Variants in TBC1D30 observed in about 807,000 individuals in gnomAD.
TBC1D30 encodes TBC1 domain family, member 30.
A neutral mutation model predicts 63.2 loss-of-function variants in TBC1D30; 31 were observed. The observed-to-expected ratio is 0.49, with a 90% CI of 0.37 to 0.66. The LOEUF (loss-of-function observed/expected upper bound fraction) is 0.66. Among genes scored for constraint, TBC1D30 ranks in the 30% least tolerant of loss-of-function variants. The pLI is 0.00. For missense variants in TBC1D30, 810 were observed against 953.6 expected (o/e 0.85, Z 1.98); for synonymous variants, 307 against 361.5 (o/e 0.85, Z 1.71).
At chr12:64,777,504 C>G (rs1168889431), upstream of TBC1D30, among the ~76,000 whole-genome samples, 1 of 152,182 alleles carries the variant, frequency 6.6e-6, no homozygotes, top group Non-Finnish European at 1.5e-5. Flanking sequence ...AACTCCCATT[C>G]ACAATTGCCA....
intron 1 of TBC1D30, among the ~76,000 whole-genome samples, chr12:64,765,644 T>C (rs1158065525): frequency 6.6e-6 from 1 of 151,574 alleles, no homozygotes; most frequent in Non-Finnish European, 1.5e-5. Context: ...AAAACTCCTA[T>C]TATAACTTGT....
Position 64,875,716 on chromosome 12 carries a change from T to C in TBC1D30, c.2214T>C (p.Thr738=), listed in dbSNP as rs892743314. The C allele has an allele frequency of 6.5e-7, 1 of 1,536,526 alleles. No individual in the cohort carries two copies. Among genetic ancestry groups the C allele is most frequent in the Middle Eastern group, 1.7e-4 (1 of 5,996 alleles). ...GLYGPTERTP[T]VHFPQMSRSF... ...ATGGCCCTACAGAAAGAACCCCAACTGTGCACTTTCCTCAAATGAGTAGGA... is the reference window on the plus strand; with the variant it reads ...ATGGCCCTACAGAAAGAACCCCAACCGTGCACTTTCCTCAAATGAGTAGGA... Residue 738 remains threonine (T), a synonymous_variant, in exon 12 of 12, where the codon ACT becomes ACC. Coordinates refer to ENST00000539867, the MANE Select transcript of TBC1D30 (RefSeq NM_015279.2).
intron 10 of TBC1D30, among the ~76,000 whole-genome samples, chr12:64,869,106 T>C (rs529374684): frequency 2.0e-5 from 3 of 152,326 alleles, no homozygotes; most frequent in African/African-American, 7.2e-5. Flanking sequence ...GGATATTTAT[T>C]CTACCTCTTC....
Position 64,878,310 on chromosome 12 carries a change from T to C in TBC1D30, c.*2522T>C, listed in dbSNP as rs978204956. On this transcript the variant is annotated 3_prime_UTR_variant, in exon 12 of 12. Coordinates refer to ENST00000539867, the MANE Select transcript of TBC1D30 (RefSeq NM_015279.2). ...CTGCAGTAGCCTCTACCACACAGCA[T>C]GTACAAAGACCAGTATGGACTTGCT... 5.4e-6 allele frequency: 2 copies of C among 373,478 alleles called. No homozygotes were observed. The highest frequency in any genetic ancestry group is 1.1e-5 in the Non-Finnish European group (2 of 187,744). The allele number at this position is 373,478 out of a possible 1,614,324, so 23.1% of individuals were successfully genotyped here. A position where few individuals can be genotyped will look rare whatever the true frequency, so the allele number is the denominator to read the frequency against.
At chr12:64,799,967 G>A (rs1034130843) in intron 2 of TBC1D30, among the ~76,000 whole-genome samples, 7 of 152,150 alleles carry the variant, frequency 4.6e-5, no homozygotes, top group Non-Finnish European at 2.9e-5. Context: ...TTAGCTGGGC[G>A]TAGTGGCAGG....
chr12:64,759,595 A>G (rs936832095), exon 1 of TBC1D30: 3 of 318,636 alleles, frequency 9.4e-6, no homozygotes, highest in Non-Finnish European at 1.6e-5. Flanking sequence ...GGAGAACCGG[A>G]GAAAAGGGCG....
intron 11 of TBC1D30, 122 bp downstream of exon 11, chr12:64,870,930 G>A (rs1878607014): frequency 1.1e-6 from 1 of 912,936 alleles, no homozygotes; most frequent in Non-Finnish European, 1.7e-6. Context: ...AACACAGCTG[G>A]CATGACATAA....
At chr12:64,872,596 G>T (rs1476416730) in intron 11 of TBC1D30, among the ~76,000 whole-genome samples, 5 of 152,170 alleles carry the variant, frequency 3.3e-5, no homozygotes, top group Non-Finnish European at 7.3e-5. Context: ...TGTTTCAGTA[G>T]GTTTGGAATG....
intron 8 of TBC1D30, among the ~76,000 whole-genome samples, chr12:64,852,098 A>G (rs1163584201): frequency 6.6e-6 from 1 of 152,144 alleles, no homozygotes; most frequent in East Asian, 1.9e-4. Flanking sequence ...CCTGGGTAAT[A>G]TCTTGAAGAG....
intron 6 of TBC1D30, among the ~76,000 whole-genome samples, chr12:64,836,943 T>C (rs753655307): frequency 5.3e-5 from 8 of 152,206 alleles, no homozygotes; most frequent in Non-Finnish European, 1.2e-4. Flanking sequence ...GTACACATCT[T>C]ACTATCTAGT....
At chr12:64,770,685 T>A (rs1181306637) in intron 1 of TBC1D30, among the ~76,000 whole-genome samples, 1 of 152,086 alleles carries the variant, frequency 6.6e-6, no homozygotes, top group East Asian at 1.9e-4. Flanking sequence ...ACTGCACTTA[T>A]AAAACACCAA....
exon 1 of TBC1D30, chr12:64,781,105 G>A: frequency 1.0e-6 from 1 of 1,003,488 alleles, no homozygotes; most frequent in Non-Finnish European, 1.2e-6. Flanking sequence ...AGGAGGCGGC[G>A]GGCGGGGGCC....
chr12:64,829,660 A>G lies in TBC1D30; in HGVS notation c.283-717A>G, dbSNP rs141186526. Among the ~76,000 whole-genome samples the G allele has an allele frequency of 4.7e-3, 716 of 152,348 alleles. 4 individuals carry two copies. Among genetic ancestry groups the G allele is most frequent in the Non-Finnish European group, 8.2e-3 (555 of 68,036 alleles). On this transcript the variant is annotated intron_variant, in intron 3 of 11. Coordinates refer to ENST00000539867, the MANE Select transcript of TBC1D30 (RefSeq NM_015279.2). ...AGAAGTCTGGCTGGATATATAAATC[A>G]ATGTTTATTTCTGCTAAATCATGTT...
chr12:64,824,737 CA>C lies in TBC1D30; in HGVS notation c.-142del, dbSNP rs1874142109. 2.5e-6 allele frequency: 3 copies of C among 1,202,050 alleles called. No homozygotes were observed. In the South Asian group the frequency reaches 4.9e-5, roughly 20 times the overall value. 74.5% of individuals were successfully genotyped at this position (1,202,050 alleles called of 1,614,324 possible). ...CCCGTAAGTCCCCGTGACCCTCCAG[CA>C]CCAGCCGGCTGTGCGCTCCCTGCTC... On this transcript the variant is annotated 5_prime_UTR_variant, in exon 1 of 12. Transcript: ENST00000539867.
At chr12:64,820,918 C>T (rs1434805143), upstream of TBC1D30, among the ~76,000 whole-genome samples, 1 of 152,220 alleles carries the variant, frequency 6.6e-6, no homozygotes, top group African/African-American at 2.4e-5. Context: ...TTATCTAATT[C>T]CTTTGCTGTT....
intron 8 of TBC1D30, among the ~76,000 whole-genome samples, chr12:64,863,220 A>G (rs1877940582): frequency 1.3e-5 from 2 of 152,178 alleles, no homozygotes; most frequent in Non-Finnish European, 2.9e-5. Context: ...CCACGGGAAA[A>G]CACCCTCATA....
chr12:64,781,287 G>A lies in TBC1D30; in HGVS notation c.478+1G>A. The A allele has an allele frequency of 1.8e-6, 2 of 1,130,766 alleles. No homozygotes were observed. The allele number at this position is 1,130,766 out of a possible 1,614,324, so 70.0% of individuals were successfully genotyped here. A position where few individuals can be genotyped will look rare whatever the true frequency, so the allele number is the denominator to read the frequency against. ...CAGATGCTGTACCTGCGGCAGAAAG[G>A]TGAGGGCCGGGCGCAGCAGGGTCCC... On this transcript the variant is annotated splice_donor_variant, in intron 1 of 12. Transcript: ENST00000542120. LOFTEE classifies it high-confidence loss of function.
At chr12:64,788,071 A>G (rs535470268) in intron 2 of TBC1D30, among the ~76,000 whole-genome samples, 153 of 152,146 alleles carry the variant, frequency 1.0e-3, no homozygotes, top group Middle Eastern at 3.4e-3. Context: ...TGATTATCAT[A>G]ATAATATCAC....
At chr12:64,763,250 A>G (rs911079576) in intron 1 of TBC1D30, among the ~76,000 whole-genome samples, 1 of 152,120 alleles carries the variant, frequency 6.6e-6, no homozygotes, top group African/African-American at 2.4e-5. Context: ...GTTTTATGTT[A>G]TCTTCCTCAA....
Sources: allele counts gnomAD v4.1 joint callset (sites outside exome capture counted in the v4.1 genomes callset), GRCh38; gene constraint gnomAD v4.1.1; transcripts MANE v1.5; gene names NCBI Gene and HGNC (gene_info 2026-07-23, HGNC 2026-07-21).